Variants in VSIG10 observed in about 807,000 individuals in gnomAD.
VSIG10 encodes the protein V-set and immunoglobulin domain containing 10, also known as V-set and immunoglobulin domain-containing protein 10.
A neutral mutation model predicts 58.7 loss-of-function variants in VSIG10; 48 were observed. That is an observed-to-expected ratio of 0.82 (90% CI 0.65 to 1.04). The LOEUF (loss-of-function observed/expected upper bound fraction) is 1.04. VSIG10 is among the 50% of genes least tolerant of loss of function. The pLI is 0.00. For missense variants in VSIG10, 628 were observed against 670.0 expected (o/e 0.94, Z 0.69); for synonymous variants, 260 against 267.1 (o/e 0.97, Z 0.26).
At chr12:118,092,472 AT>A (rs2137935432) in intron 2 of VSIG10, among the ~76,000 whole-genome samples, 1 of 152,214 alleles carries the variant, frequency 6.6e-6, no homozygotes, top group South Asian at 2.1e-4. Flanking sequence ...GAGCAAATAA[AT>A]TTGGCTTTGA....
At chr12:118,068,701 T>TTTTCCATATTACTA in intron 7 of VSIG10, 104 bp from the exon 8 acceptor site, 1 of 1,342,300 alleles carries the variant, frequency 7.4e-7, no homozygotes, top group Non-Finnish European at 9.9e-7. Flanking sequence ...CCATTAGTAA[T>TTTTCCATATTACTA]ATGGAAAATT....
rs542350094 is a variant in VSIG10, at chr12:118,077,827, T to C, written c.925+1519A>G. On this transcript the variant is annotated intron_variant, in intron 4 of 8. Coordinates refer to ENST00000359236, the MANE Select transcript of VSIG10 (RefSeq NM_019086.6). The stretch of plus-strand genomic sequence containing the variant: ...GGAGTGAGGACTTCAAAAGTAGATC[T>C]TTCAGATGATTTCAGCCCCGCAACC... Among the ~76,000 whole-genome samples the C allele has an allele frequency of 1.2e-4, 18 of 152,306 alleles. 1 individual carries two copies. The highest frequency in any genetic ancestry group is 4.1e-4 in the African/African-American group (17 of 41,582).
At chr12:118,079,265 CAGA>C (rs1681875365) in intron 4 of VSIG10, 78 bp downstream of exon 4, 3 of 1,533,744 alleles carry the variant, frequency 2.0e-6, no homozygotes, top group African/African-American at 1.4e-5. Flanking sequence ...ATTTCTTCCT[CAGA>C]AGAACTCTCA....
At chr12:118,091,730 G>C (rs1038009150) in intron 2 of VSIG10, among the ~76,000 whole-genome samples, 5 of 151,928 alleles carry the variant, frequency 3.3e-5, no homozygotes, top group Non-Finnish European at 7.4e-5. Context: ...GATCACATGG[G>C]TATTTCCCTA....
intron 5 of VSIG10, among the ~76,000 whole-genome samples, chr12:118,073,462 T>C (rs1236360048): frequency 2.0e-5 from 3 of 152,210 alleles, no homozygotes; most frequent in South Asian, 2.1e-4. Flanking sequence ...ATACACTAGA[T>C]ATCTATTCGT....
chr12:118,075,046 C>A (rs1337212114), intron 4 of VSIG10, among the ~76,000 whole-genome samples: 1 of 150,454 alleles, frequency 6.6e-6, no homozygotes, highest in Admixed American at 6.7e-5. Context: ...TATAAATTAA[C>A]CTTATCATAA....
chr12:118,095,732 C>T lies in VSIG10; in HGVS notation c.162G>A (p.Val54=), dbSNP rs758522269. The change falls in exon 2 of 9, where the codon GTG becomes GTA. Residue 54 remains valine, a synonymous_variant. Coordinates refer to ENST00000359236, the MANE Select transcript of VSIG10 (RefSeq NM_019086.6). ...CGNISGLRGQ[V]TWYRNNSEPV... is the part of the protein sequence containing the mutation. ...GCTCCGAGTTGTTCCGGTACCAGGTCACCTGGCCCCTCAGTCCCGAGATGT... is the reference window on the plus strand; with the variant it reads ...GCTCCGAGTTGTTCCGGTACCAGGTTACCTGGCCCCTCAGTCCCGAGATGT... 1 of 1,613,836 alleles carries T rather than the reference C, an allele frequency of 6.2e-7. No individual in the cohort carries two copies. The highest frequency in any genetic ancestry group is 2.2e-5 in the East Asian group (1 of 44,872).
chr12:118,085,083 G>A (rs992864866), intron 2 of VSIG10, among the ~76,000 whole-genome samples: 2 of 152,170 alleles, frequency 1.3e-5, no homozygotes, highest in Non-Finnish European at 2.9e-5. Flanking sequence ...CCTTGGGCAA[G>A]AATCACCCCA....
chr12:118,095,541 T>C lies in VSIG10; in HGVS notation c.353A>G (p.Gln118Arg). 1 of 1,613,844 alleles carries C rather than the reference T, an allele frequency of 6.2e-7. No individual in the cohort carries two copies. Among genetic ancestry groups the C allele is most frequent in the Non-Finnish European group, 8.5e-7 (1 of 1,179,804 alleles). ...NVTQWFQVWL[Q>R]VASGPYQIEV... is the part of the protein sequence containing the mutation. Reference sequence around the variant, plus strand: ...CTGCCAGCCCCACTTACTGGCCACCTGCAGCCACACTTGGAACCACTGAGT... The same window carrying C: ...CTGCCAGCCCCACTTACTGGCCACCCGCAGCCACACTTGGAACCACTGAGT... Residue 118 changes from glutamine to arginine, a missense_variant, in exon 2 of 9, where the codon CAG becomes CGG. Gln to Arg is a conservative substitution (Grantham distance 43). Transcript: ENST00000359236.
intron 1 of VSIG10, among the ~76,000 whole-genome samples, chr12:118,099,099 G>A (rs917566953): frequency 3.3e-5 from 5 of 151,704 alleles, no homozygotes; most frequent in African/African-American, 1.2e-4. Flanking sequence ...AGACTGACAG[G>A]TGTCCGGGTG....
At chr12:118,089,050 G>A (rs1277248571) in intron 2 of VSIG10, among the ~76,000 whole-genome samples, 1 of 151,750 alleles carries the variant, frequency 6.6e-6, no homozygotes, top group African/African-American at 2.4e-5. Context: ...CCCGGTTGAA[G>A]CTTTTCTTGT....
chr12:118,071,321 G>C (rs747714070), intron 6 of VSIG10, 38 bp downstream of exon 6: 2 of 1,588,098 alleles, frequency 1.3e-6, no homozygotes, highest in Admixed American at 3.4e-5. Context: ...CTTTTCAAAA[G>C]TCTGGAAGAG....
At chr12:118,080,918 A>G (rs1247684256) in intron 3 of VSIG10, among the ~76,000 whole-genome samples, 5 of 152,088 alleles carry the variant, frequency 3.3e-5, no homozygotes, top group Admixed American at 6.6e-5. Context: ...GTTATTTGGG[A>G]TGACAAAATG....
At chr12:118,080,584 C>T (rs920935985) in intron 3 of VSIG10, among the ~76,000 whole-genome samples, 7 of 152,128 alleles carry the variant, frequency 4.6e-5, no homozygotes, top group Non-Finnish European at 8.8e-5. Flanking sequence ...CTAGAGGGCC[C>T]GGTGCCTATG....
At chr12:118,077,335 A>C (rs1040905110) in intron 4 of VSIG10, among the ~76,000 whole-genome samples, 2 of 151,192 alleles carry the variant, frequency 1.3e-5, no homozygotes, top group Non-Finnish European at 2.9e-5. Context: ...TCTCACGGAG[A>C]CCTCCCTGCC....
At chr12:118,085,852 CAAA>C (rs1255347303) in intron 2 of VSIG10, among the ~76,000 whole-genome samples, 2 of 47,884 alleles carry the variant, frequency 4.2e-5, no homozygotes, top group African/African-American at 8.5e-5. Context: ...GACTTCGTCT[CAAA>C]AAAAAAAAAA....
At chr12:118,068,277 T>G (rs746842674) in intron 8 of VSIG10, 100 bp downstream of exon 8, 19 of 1,209,994 alleles carry the variant, frequency 1.6e-5, no homozygotes, top group Non-Finnish European at 1.6e-5. Flanking sequence ...TTAAGTGATC[T>G]TCCCACCTTG....
chr12:118,082,981 C>T (rs1021209549), intron 2 of VSIG10, among the ~76,000 whole-genome samples: 9 of 151,438 alleles, frequency 5.9e-5, no homozygotes, highest in East Asian at 1.9e-4. Context: ...GGCGTGGTCG[C>T]GCATGCCTGT....
Position 118,069,425 on chromosome 12 carries a change from C to CTT in VSIG10, c.1347-830_1347-829dup, listed in dbSNP as rs34116504. On this transcript the variant is annotated intron_variant, in intron 7 of 8. Transcript: ENST00000359236. The stretch of plus-strand genomic sequence containing the variant: ...TGCATTTCTTCTTCTTCTTCTTCTT[C>CTT]TTTTTTTTTTTTTTTTTGAGACAGA... 1.2e-3 allele frequency among the ~76,000 whole-genome samples: 127 copies of CTT among 105,050 alleles called. 1 individual carries two copies. The highest frequency in any genetic ancestry group is 4.3e-3 in the African/African-American group (105 of 24,282). 68.9% of individuals were successfully genotyped at this position (105,050 alleles called of 152,430 possible).
Sources: gnomAD v4.1 joint callset for allele counts (sites outside exome capture counted in the v4.1 genomes callset) on GRCh38, gnomAD v4.1.1 for gene constraint, MANE v1.5 for transcripts, NCBI Gene and HGNC (gene_info 2026-07-23, HGNC 2026-07-21) for gene names.